Variants in MYCBP2 observed in about 807,000 individuals in gnomAD.
MYCBP2 encodes E3 ubiquitin-protein ligase MYCBP2.
A neutral mutation model predicts 525.3 loss-of-function variants in MYCBP2; 120 were observed. The ratio of observed to expected loss-of-function variants is 0.23; its 90% confidence interval spans 0.20 to 0.27. The LOEUF (loss-of-function observed/expected upper bound fraction) is 0.27, where lower values mean the gene tolerates loss of function less well. Ranked by LOEUF, MYCBP2 falls within the 10% of genes least tolerant of loss-of-function variation. The probability of loss-of-function intolerance (pLI) is 1.00; values close to 1 mark genes in which losing one functional copy is unlikely to be tolerated. For missense variants in MYCBP2, 4,149 were observed against 5,657.1 expected (o/e 0.73, Z 8.55); for synonymous variants, 1,894 against 1,955.8 (o/e 0.97, Z 0.83).
At chr13:77,294,121 TATATATATAC>T (rs1331201749) in intron 2 of MYCBP2, among the ~76,000 whole-genome samples, 14 of 62,364 alleles carry the variant, frequency 2.2e-4, no homozygotes, top group African/African-American at 4.5e-4. Flanking sequence ...TATATATATA[TATATATATAC>T]ATATATATAT....
rs58988213 is a variant in MYCBP2, at chr13:77,280,088, C to T, written c.595-1177G>A. On this transcript the variant is annotated intron_variant, in intron 3 of 82. Coordinates refer to ENST00000544440, the MANE Select transcript of MYCBP2 (RefSeq NM_015057.5). Reference sequence around the variant, plus strand: ...ATTCACTAAATTGTTTGCTAAAAAACCACTGCATCTCAGAAATACATTTTC... The same window carrying T: ...ATTCACTAAATTGTTTGCTAAAAAATCACTGCATCTCAGAAATACATTTTC... Among the ~76,000 whole-genome samples the T allele has an allele frequency of 1.2e-4, 19 of 152,272 alleles. No individual in the cohort carries two copies. The East Asian group carries it at 3.7e-3, about 29-fold the overall frequency.
intron 62 of MYCBP2, among the ~76,000 whole-genome samples, chr13:77,083,514 T>C (rs2043671542): frequency 6.6e-6 from 1 of 151,852 alleles, no homozygotes; most frequent in Non-Finnish European, 1.5e-5. Flanking sequence ...TATATGTATG[T>C]GTATGGATAT....
rs562187417 is a variant in MYCBP2, at chr13:77,157,178, G to A, written c.6770+759C>T. 3.9e-5 allele frequency among the ~76,000 whole-genome samples: 6 copies of A among 152,236 alleles called. No individual in the cohort carries two copies. In the East Asian group the frequency reaches 7.7e-4, roughly 20 times the overall value. On this transcript the variant is annotated intron_variant, in intron 45 of 82. Transcript: ENST00000544440. ...ACAGCAACCTCCGCCTCTAGGGTTT[G>A]AGCAATCCTCCCACCTCAGCCTCCA...
At position 77,168,656 on chromosome 13, in the gene MYCBP2, A is replaced by G; in HGVS notation, c.5896-10T>C. ...AGACTTCTACAGCCACCTAGTACACATATAAAAATATGGTTAAATGAGATA... is the reference window on the plus strand; with the variant it reads ...AGACTTCTACAGCCACCTAGTACACGTATAAAAATATGGTTAAATGAGATA... On this transcript the variant is annotated splice_polypyrimidine_tract_variant and intron_variant, in intron 39 of 82. Transcript: ENST00000544440. 2.5e-6 allele frequency: 4 copies of G among 1,612,412 alleles called. No individual in the cohort carries two copies. The highest frequency in any genetic ancestry group is 3.4e-6 in the Non-Finnish European group (4 of 1,178,642).
intron 60 of MYCBP2, among the ~76,000 whole-genome samples, chr13:77,089,679 T>C (rs1174688594): frequency 6.6e-6 from 1 of 151,706 alleles, no homozygotes; most frequent in East Asian, 1.9e-4. Context: ...GATTAAGGGC[T>C]ATTTATATCC....
chr13:77,186,546 A>G (rs2060735158), intron 30 of MYCBP2, among the ~76,000 whole-genome samples: 1 of 152,164 alleles, frequency 6.6e-6, no homozygotes, highest in Non-Finnish European at 1.5e-5. Context: ...AAAATTTGCA[A>G]TACAAACTAC....
intron 56 of MYCBP2, 89 bp downstream of exon 56, chr13:77,097,281 T>A (rs1645373260): frequency 6.7e-7 from 1 of 1,501,432 alleles, no homozygotes; most frequent in African/African-American, 1.4e-5. Context: ...TCCCTATCCT[T>A]TGACAAAATT....
intron 30 of MYCBP2, 127 bp from the exon 31 acceptor site, chr13:77,186,190 T>C (rs1754392188): frequency 3.2e-6 from 2 of 633,076 alleles, no homozygotes; most frequent in Non-Finnish European, 5.0e-6. Flanking sequence ...GTTTTTTAAT[T>C]GAATTTTTTT....
At chr13:77,141,930 T>G (rs1346127205) in intron 49 of MYCBP2, among the ~76,000 whole-genome samples, 3 of 152,092 alleles carry the variant, frequency 2.0e-5, no homozygotes, top group African/African-American at 7.2e-5. Flanking sequence ...CGGAGAAAAC[T>G]TAGGAAGAAG....
intron 20 of MYCBP2, among the ~76,000 whole-genome samples, chr13:77,220,372 G>A (rs1042190806): frequency 3.3e-5 from 5 of 152,044 alleles, no homozygotes; most frequent in African/African-American, 1.2e-4. Flanking sequence ...GAGAAACTGA[G>A]ACACAAGAAG....
At chr13:77,312,970 C>T (rs954630366) in intron 1 of MYCBP2, among the ~76,000 whole-genome samples, 2 of 151,906 alleles carry the variant, frequency 1.3e-5, no homozygotes, top group African/African-American at 2.4e-5. Flanking sequence ...ACACATTCTT[C>T]TCAAGTGTGT....
At position 77,205,292 on chromosome 13, in the gene MYCBP2, C is replaced by T. The variant is rs766023875; in HGVS notation, c.3807G>A (p.Leu1269=). ...CAGTATATTCTCCTCTACCTCCAAA[C>T]AGACCAAGACCACCAAGTAAAATAT... ...DTDILLGGLG[L]FGGRGEYTAK... is the part of the protein sequence containing the mutation. The change falls in exon 26 of 83, where the codon CTG becomes CTA. Residue 1269 remains leucine, a synonymous_variant. Transcript: ENST00000544440. 1.2e-6 allele frequency: 2 copies of T among 1,613,068 alleles called. No individual in the cohort carries two copies. Among genetic ancestry groups the T allele is most frequent in the Non-Finnish European group, 1.7e-6 (2 of 1,179,484 alleles).
chr13:77,133,527 AATAAGAGGTAC>A (rs2053257401), intron 52 of MYCBP2, among the ~76,000 whole-genome samples: 2 of 152,166 alleles, frequency 1.3e-5, no homozygotes, highest in African/African-American at 4.8e-5. Context: ...TAAAAACAGA[AATAAGAGGTAC>A]ATAAACACAA....
In MYCBP2 at chr13:77,088,795, A is replaced by G. The variant is rs766038821; in HGVS notation, c.10725+37T>C. On this transcript the variant is annotated intron_variant, in intron 61 of 82. Transcript: ENST00000544440. ...AATAGAATCATCACATGATTTGTAT[A>G]ATCAATGAATCAGTAATTTCATTAA... 6 of 1,524,232 alleles carry G rather than the reference A, an allele frequency of 3.9e-6. No homozygotes were observed. The East Asian group carries it at 1.1e-4, about 29-fold the overall frequency. The allele number at this position is 1,524,232 out of a possible 1,614,324, so 94.4% of individuals were successfully genotyped here.
At chr13:77,186,184 T>G in intron 30 of MYCBP2, 121 bp from the exon 31 acceptor site, 1 of 661,216 alleles carries the variant, frequency 1.5e-6, no homozygotes, top group Non-Finnish European at 2.3e-6. Flanking sequence ...TACTGAGTTT[T>G]TTAATTGAAT....
rs1189486485 is a variant in MYCBP2 at position 77,083,134 on chromosome 13, G to C, written c.10934C>G (p.Ala3645Gly). ...PLSDIVIAGE[A>G]AHPLPHTFHR... ...AAAGGTGTGTGGTAAAGGATGAGCA[G>C]CTTCCCCGGCAATCACTATGTCTGA... The change falls in exon 63 of 83, where the codon GCT becomes GGT. Residue 3645 changes from alanine to glycine, a missense_variant. Transcript: ENST00000544440. 2 of 1,613,444 alleles carry C rather than the reference G, an allele frequency of 1.2e-6. No homozygotes were observed. The highest frequency in any genetic ancestry group is 1.7e-6 in the Non-Finnish European group (2 of 1,179,656).
intron 32 of MYCBP2, among the ~76,000 whole-genome samples, 190 bp downstream of exon 32, chr13:77,184,913 T>C (rs1003864149): frequency 1.3e-5 from 2 of 152,240 alleles, no homozygotes; most frequent in African/African-American, 4.8e-5. Flanking sequence ...CCTACCAATT[T>C]TGTAACTAAA....
In MYCBP2 at chr13:77,186,026, C is replaced by A; in HGVS notation, c.4289G>T (p.Ser1430Ile). The A allele has an allele frequency of 6.2e-7, 1 of 1,608,430 alleles. No individual in the cohort carries two copies. Among genetic ancestry groups the A allele is most frequent in the Non-Finnish European group, 8.5e-7 (1 of 1,178,308 alleles). ...FESLLSILHW[S>I]WTTLVLGVEE... ...AACTCCTAAGACTAAGGTGGTCCAG[C>A]TCCAGTGAAGAATACTCAACAATGA... Residue 1430 changes from serine (S) to isoleucine (I), a missense_variant, in exon 31 of 83, where the codon AGC (serine) becomes ATC (isoleucine). Physicochemically the swap from Ser to Ile is moderately radical, Grantham distance 142. Coordinates refer to ENST00000544440, the MANE Select transcript of MYCBP2 (RefSeq NM_015057.5).
intron 3 of MYCBP2, among the ~76,000 whole-genome samples, chr13:77,283,876 T>G (rs183280011): frequency 2.3e-4 from 35 of 152,170 alleles, no homozygotes; most frequent in Admixed American, 1.9e-3. Context: ...CCAGCCCCAG[T>G]GACAGAGCCA....
Sources: gnomAD v4.1 joint callset for allele counts (sites outside exome capture counted in the v4.1 genomes callset) on GRCh38, gnomAD v4.1.1 for gene constraint, MANE v1.5 for transcripts, NCBI Gene and HGNC (gene_info 2026-07-23, HGNC 2026-07-21) for gene names.